The following MAP7 variants were observed in gnomAD, a reference collection of about 807,000 sequenced individuals.
The protein encoded by MAP7 is ensconsin.
A neutral mutation model predicts 94.8 loss-of-function variants in MAP7; 52 were observed. The observed-to-expected ratio is 0.55, with a 90% CI of 0.44 to 0.69. MAP7 has a LOEUF of 0.69. Among genes scored for constraint, MAP7 ranks in the 30% least tolerant of loss-of-function variants. MAP7 has a pLI of 0.00. For synonymous variants in MAP7, 350 were observed against 357.0 expected (o/e 0.98, Z 0.22); for missense variants, 940 against 964.6 (o/e 0.97, Z 0.34).
At chr6:136,428,345 G>A (rs973717094) in intron 1 of MAP7, among the ~76,000 whole-genome samples, 10 of 152,022 alleles carry the variant, frequency 6.6e-5, no homozygotes, top group Admixed American at 4.6e-4. Context: ...GTGAAACCTC[G>A]TCCCTACTAA....
chr6:136,474,138 T>C (rs1810039154), intron 1 of MAP7, among the ~76,000 whole-genome samples: 1 of 152,010 alleles, frequency 6.6e-6, no homozygotes, highest in Non-Finnish European at 1.5e-5. Flanking sequence ...TGAAAATGAA[T>C]ATTAAGAGGG....
chr6:136,437,042 T>C (rs576467564), intron 1 of MAP7, among the ~76,000 whole-genome samples: 25 of 152,330 alleles, frequency 1.6e-4, no homozygotes, highest in African/African-American at 6.0e-4. Context: ...TCTTCCCCTG[T>C]GGGCATCATC....
intron 3 of MAP7, among the ~76,000 whole-genome samples, chr6:136,404,649 C>A (rs1785074941): frequency 1.3e-5 from 2 of 152,170 alleles, no homozygotes; most frequent in Admixed American, 1.3e-4. Context: ...AGGAATTTGA[C>A]TCTTCATATA....
intron 1 of MAP7, among the ~76,000 whole-genome samples, chr6:136,500,308 G>C (rs566314185): frequency 6.6e-6 from 1 of 152,164 alleles, no homozygotes; most frequent in African/African-American, 2.4e-5. Context: ...GGCATCCCAG[G>C]CCAGGAAAAC....
chr6:136,498,772 TGG>T (rs147187885), intron 1 of MAP7, among the ~76,000 whole-genome samples: 1 of 151,198 alleles, frequency 6.6e-6, no homozygotes, highest in African/African-American at 2.5e-5. Flanking sequence ...TGTGTGTGTG[TGG>T]AAAACCCAAC....
At position 136,389,580 on chromosome 6, in the gene MAP7, G is replaced by A. The variant is rs1780132430; in HGVS notation, c.245-63C>T. The A allele has an allele frequency of 2.7e-6, 4 of 1,485,018 alleles. No homozygotes were observed. The East Asian group carries it at 9.0e-5, about 34-fold the overall frequency. The allele number at this position is 1,485,018 out of a possible 1,614,324, so 92.0% of individuals were successfully genotyped here. On this transcript the variant is annotated intron_variant, in intron 3 of 17. Coordinates refer to ENST00000354570, the MANE Select transcript of MAP7 (RefSeq NM_003980.6). Reference sequence around the variant, plus strand: ...TCAAATATAGGCAGGTTGCAAACTTGAATAGTTAGGGCTGTATTAAGTGGT... The same window carrying A: ...TCAAATATAGGCAGGTTGCAAACTTAAATAGTTAGGGCTGTATTAAGTGGT...
chr6:136,364,198 T>A, intron 10 of MAP7: 1 of 524,978 alleles, frequency 1.9e-6, no homozygotes, highest in Non-Finnish European at 3.8e-6. Context: ...GAGGGTGAGG[T>A]GACCGTCAAG....
At chr6:136,386,190 C>T (rs538297985) in intron 5 of MAP7, among the ~76,000 whole-genome samples, 2 of 152,126 alleles carry the variant, frequency 1.3e-5, no homozygotes, top group African/African-American at 2.4e-5. Context: ...GATAGAGTAC[C>T]CATCATACAT....
intron 1 of MAP7, among the ~76,000 whole-genome samples, chr6:136,450,297 T>A (rs1800701922): frequency 6.6e-6 from 1 of 152,210 alleles, no homozygotes; most frequent in African/African-American, 2.4e-5. Context: ...TAAACATTAT[T>A]TCCAAGATTT....
At chr6:136,361,719 G>A (rs1792853763) in intron 11 of MAP7, among the ~76,000 whole-genome samples, 1 of 152,166 alleles carries the variant, frequency 6.6e-6, no homozygotes, top group Admixed American at 6.5e-5. Flanking sequence ...CGTCTTATTA[G>A]GCCCAGAAGA....
intron 1 of MAP7, among the ~76,000 whole-genome samples, chr6:136,423,796 T>C (rs571729806): frequency 7.0e-6 from 1 of 143,366 alleles, no homozygotes; most frequent in Non-Finnish European, 1.5e-5. Flanking sequence ...TTTTTTTTTG[T>C]TTTTTTGTTT....
At chr6:136,508,161 G>A (rs9389395) in intron 1 of MAP7, among the ~76,000 whole-genome samples, 19,552 of 151,628 alleles carry the variant, frequency 0.13, 2,853 homozygotes, top group African/African-American at 0.35. Flanking sequence ...CTCCATCTTT[G>A]CAAAGACACG....
At chr6:136,445,071 C>G (rs1798925762) in intron 1 of MAP7, among the ~76,000 whole-genome samples, 1 of 152,148 alleles carries the variant, frequency 6.6e-6, no homozygotes, top group African/African-American at 2.4e-5. Context: ...CCACTACTGA[C>G]AATGAAGGCG....
At chr6:136,465,494 A>G (rs1375397554) in intron 1 of MAP7, among the ~76,000 whole-genome samples, 2 of 152,258 alleles carry the variant, frequency 1.3e-5, no homozygotes, top group Non-Finnish European at 2.9e-5. Flanking sequence ...ATACGTCTCC[A>G]TAAAACAGAA....
At chr6:136,498,955 C>T (rs922524557) in intron 1 of MAP7, among the ~76,000 whole-genome samples, 1 of 152,074 alleles carries the variant, frequency 6.6e-6, no homozygotes, top group Non-Finnish European at 1.5e-5. Flanking sequence ...GTCACCCAGA[C>T]TGGAGTGCAG....
At position 136,550,412 on chromosome 6, in the gene MAP7, G is replaced by A; in HGVS notation, c.-4C>T. 2 of 1,518,900 alleles carry A rather than the reference G, an allele frequency of 1.3e-6. No individual in the cohort carries two copies. Among genetic ancestry groups the A allele is most frequent in the Non-Finnish European group, 8.8e-7 (1 of 1,140,526 alleles). 94.1% of individuals were successfully genotyped at this position (1,518,900 alleles called of 1,614,324 possible). ...CGCCAGCTCCTAGCTCCGCCATGGT[G>A]CTCCGATGACGCGCCCGGAGAGCCG... On this transcript the variant is annotated 5_prime_UTR_variant, in exon 1 of 18. Coordinates refer to ENST00000354570, the MANE Select transcript of MAP7 (RefSeq NM_003980.6). The surrounding 1 kb of genome is among the most constrained non-coding windows in gnomAD (Gnocchi z 5.1).
chr6:136,473,769 T>C (rs925328666), intron 1 of MAP7, among the ~76,000 whole-genome samples: 2 of 152,134 alleles, frequency 1.3e-5, no homozygotes, highest in East Asian at 3.9e-4. Context: ...TTAAAAAGAA[T>C]AGTGATATAT....
At chr6:136,397,432 A>G (rs1291546768) in intron 3 of MAP7, among the ~76,000 whole-genome samples, 2 of 152,178 alleles carry the variant, frequency 1.3e-5, no homozygotes, top group African/African-American at 4.8e-5. Context: ...TTTCTCATTA[A>G]GAAATGATAA....
At chr6:136,425,104 G>A (rs1365940104) in intron 1 of MAP7, among the ~76,000 whole-genome samples, 1 of 152,208 alleles carries the variant, frequency 6.6e-6, no homozygotes, top group Non-Finnish European at 1.5e-5. Context: ...AGCGACTACA[G>A]TGTGGATCCA....
Sources: allele counts gnomAD v4.1 joint callset (sites outside exome capture counted in the v4.1 genomes callset), GRCh38; gene constraint gnomAD v4.1.1; non-coding constraint Gnocchi (gnomAD v3.1); transcripts MANE v1.5; gene names NCBI Gene and HGNC (gene_info 2026-07-23, HGNC 2026-07-21).